Variants in IL1RAPL1 observed in about 807,000 individuals in gnomAD.
IL1RAPL1 encodes interleukin-1 receptor accessory protein-like 1.
Under a neutral mutation model 48.4 loss-of-function variants are expected in IL1RAPL1, and 3 were observed. That is an observed-to-expected ratio of 0.06 (90% CI 0.03 to 0.16). The LOEUF (loss-of-function observed/expected upper bound fraction) is 0.16. Ranked by LOEUF, IL1RAPL1 falls within the 10% of genes least tolerant of loss-of-function variation. The pLI, the probability that IL1RAPL1 is intolerant of heterozygous loss-of-function variation, is 1.00. For synonymous variants in IL1RAPL1, 185 were observed against 187.7 expected (o/e 0.99, Z 0.12); for missense variants, 349 against 530.6 (o/e 0.66, Z 3.36).
Position 28,974,603 on chromosome X carries a change from A to G in IL1RAPL1, c.82+185178A>G, listed in dbSNP as rs1221526404. ...TTTTATAGCATTTATATTTTAATGT[A>G]TATTTCCCATTACCTCCTAAAATCC... On this transcript the variant is annotated intron_variant, in intron 2 of 10. Coordinates refer to ENST00000378993, the MANE Select transcript of IL1RAPL1 (RefSeq NM_014271.4). 4.5e-5 allele frequency among the ~76,000 whole-genome samples: 5 copies of G among 111,936 alleles called. No homozygotes were observed. In the East Asian group the frequency reaches 1.4e-3, roughly 31 times the overall value.
At position 28,987,204 on chromosome X, in the gene IL1RAPL1, GT is replaced by G. The variant is rs774093054; in HGVS notation, c.82+197780del. On this transcript the variant is annotated intron_variant, in intron 2 of 10. Transcript: ENST00000378993. ...TTACTTGGTCTGACTTAACAGCAAA[GT>G]CAATTTAACAGTAGTCTGCCTTGCA... 5.3e-5 allele frequency among the ~76,000 whole-genome samples: 6 copies of G among 112,325 alleles called. No individual in the cohort carries two copies. In the East Asian group the frequency reaches 1.7e-3, roughly 32 times the overall value.
intron 2 of IL1RAPL1, among the ~76,000 whole-genome samples, chrX:28,888,541 A>T: frequency 8.9e-6 from 1 of 111,777 alleles, no homozygotes; most frequent in South Asian, 3.7e-4. Flanking sequence ...CACAGCAAGA[A>T]CATTTACCAT....
At chrX:29,947,306 T>G (rs1164009772) in intron 9 of IL1RAPL1, among the ~76,000 whole-genome samples, 3 of 112,109 alleles carry the variant, frequency 2.7e-5, no homozygotes, top group Non-Finnish European at 5.6e-5. Context: ...TATATTTTTT[T>G]CAGAGTGTAA....
intron 2 of IL1RAPL1, among the ~76,000 whole-genome samples, chrX:29,271,158 TC>T (rs754717593): frequency 1.5e-3 from 163 of 111,911 alleles, no homozygotes; most frequent in African/African-American, 5.1e-3. Context: ...GATGATGACC[TC>T]CAGCTTCATT....
chrX:29,802,915 GTACATATA>G (rs1414876598), intron 6 of IL1RAPL1, among the ~76,000 whole-genome samples: 1 of 48,164 alleles, frequency 2.1e-5, no homozygotes, highest in Non-Finnish European at 4.1e-5. Flanking sequence ...GTATATATGT[GTACATATA>G]TACATATATG....
At chrX:28,617,741 A>G (rs1934238464) in intron 1 of IL1RAPL1, among the ~76,000 whole-genome samples, 1 of 112,636 alleles carries the variant, frequency 8.9e-6, no homozygotes, top group Non-Finnish European at 1.9e-5. Context: ...AGTTACAGAA[A>G]TAGACTAATA....
At chrX:29,803,081 A>G (rs144192758) in intron 6 of IL1RAPL1, among the ~76,000 whole-genome samples, 18 of 88,643 alleles carry the variant, frequency 2.0e-4, no homozygotes, top group African/African-American at 6.8e-4. Flanking sequence ...GTATACATAT[A>G]TGTGTATATG....
chrX:29,240,826 A>G (rs181586075), intron 2 of IL1RAPL1, among the ~76,000 whole-genome samples: 344 of 112,274 alleles, frequency 3.1e-3, no homozygotes, highest in African/African-American at 0.011. Flanking sequence ...ACACTAATAC[A>G]TGAAGCACAT....
chrX:29,634,986 C>G (rs1924919125), intron 5 of IL1RAPL1, among the ~76,000 whole-genome samples: 1 of 111,241 alleles, frequency 9.0e-6, no homozygotes, highest in African/African-American at 3.3e-5. Flanking sequence ...ATTGAGGGAA[C>G]TAATAAGAAC....
At chrX:29,801,080 A>AAAAAAAAAC (rs1929891087) in intron 6 of IL1RAPL1, among the ~76,000 whole-genome samples, 1 of 87,096 alleles carries the variant, frequency 1.1e-5, no homozygotes, top group Non-Finnish European at 2.1e-5. Context: ...AAAAAAAAAA[A>AAAAAAAAAC]CTCATCTTTT....
intron 6 of IL1RAPL1, among the ~76,000 whole-genome samples, chrX:29,771,260 A>T (rs1437110112): frequency 8.9e-6 from 1 of 112,162 alleles, no homozygotes; most frequent in Admixed American, 9.5e-5. Flanking sequence ...TCCTTTCAAC[A>T]ATGTCTCATA....
At chrX:28,795,359 T>A (rs1306360962) in intron 2 of IL1RAPL1, among the ~76,000 whole-genome samples, 1 of 111,692 alleles carries the variant, frequency 9.0e-6, no homozygotes, top group African/African-American at 3.3e-5. Context: ...ATATCTATGT[T>A]CTGTTATACC....
At chrX:29,165,884 A>G (rs1374702502) in intron 2 of IL1RAPL1, among the ~76,000 whole-genome samples, 1 of 111,877 alleles carries the variant, frequency 8.9e-6, no homozygotes, top group Non-Finnish European at 1.9e-5. Context: ...ACTACTATAT[A>G]CCTTGAATTT....
At chrX:29,390,726 G>A (rs1443227739) in intron 3 of IL1RAPL1, among the ~76,000 whole-genome samples, 1 of 111,884 alleles carries the variant, frequency 8.9e-6, no homozygotes, top group East Asian at 2.8e-4. Context: ...CACATAAATG[G>A]TTTTTAATAT....
chrX:29,595,925 G>A lies in IL1RAPL1; in HGVS notation c.704-72505G>A, dbSNP rs376916791. ...TTGATTTTTGTATAAGCTGAAAGAT[G>A]AGGATCCAGTTTCATTCTTCTGTGT... On this transcript the variant is annotated intron_variant, in intron 5 of 10. Coordinates refer to ENST00000378993, the MANE Select transcript of IL1RAPL1 (RefSeq NM_014271.4). Among the ~76,000 whole-genome samples the A allele has an allele frequency of 3.6e-5, 4 of 111,441 alleles. No individual in the cohort carries two copies. In the East Asian group the frequency reaches 1.1e-3, roughly 31 times the overall value.
At chrX:29,327,115 T>A (rs962029533) in intron 3 of IL1RAPL1, among the ~76,000 whole-genome samples, 1 of 111,547 alleles carries the variant, frequency 9.0e-6, no homozygotes, top group Non-Finnish European at 1.9e-5. Flanking sequence ...GAATCTCTAA[T>A]AGTCTGATTT....
chrX:29,703,057 C>T (rs749057627), intron 6 of IL1RAPL1, among the ~76,000 whole-genome samples: 1 of 111,225 alleles, frequency 9.0e-6, no homozygotes, highest in South Asian at 3.8e-4. Flanking sequence ...TCGGAGAGGT[C>T]AATAATAAGA....
chrX:29,801,444 G>A (rs980881699), intron 6 of IL1RAPL1, among the ~76,000 whole-genome samples: 2 of 110,924 alleles, frequency 1.8e-5, no homozygotes, highest in African/African-American at 3.3e-5. Flanking sequence ...CCTTAAAATC[G>A]TTGCTGCTTT....
At chrX:29,528,191 T>G (rs1035080269) in intron 5 of IL1RAPL1, among the ~76,000 whole-genome samples, 1 of 112,498 alleles carries the variant, frequency 8.9e-6, no homozygotes. Context: ...TGCAAATATA[T>G]GTACATATAA....
Sources: allele counts gnomAD v4.1 joint callset (sites outside exome capture counted in the v4.1 genomes callset), GRCh38; gene constraint gnomAD v4.1.1; transcripts MANE v1.5; gene names NCBI Gene and HGNC (gene_info 2026-07-23, HGNC 2026-07-21).